The following DAB1 variants were observed in gnomAD, a reference collection of about 807,000 sequenced individuals.
DAB1 encodes the protein DAB adaptor protein 1, also known as disabled homolog 1.
In DAB1, 15 loss-of-function variants were observed where a neutral mutation model predicts 64.6. The observed-to-expected ratio is 0.23, with a 90% CI of 0.16 to 0.36. The LOEUF (loss-of-function observed/expected upper bound fraction) is 0.36, where lower values mean the gene tolerates loss of function less well. DAB1 is among the 10% of genes least tolerant of loss of function. DAB1 has a pLI of 1.00. For synonymous variants in DAB1, 235 were observed against 251.9 expected (o/e 0.93, Z 0.64); for missense variants, 596 against 706.7 (o/e 0.84, Z 1.78).
chr1:57,713,908 T>C (rs929877303), intron 6 of DAB1, among the ~76,000 whole-genome samples: 1 of 152,210 alleles, frequency 6.6e-6, no homozygotes, highest in Admixed American at 6.5e-5. Context: ...TGTTTCTTTG[T>C]TTGCTGAGCT....
At chr1:57,138,226 A>C (rs1658294030) in intron 3 of DAB1, among the ~76,000 whole-genome samples, 1 of 152,176 alleles carries the variant, frequency 6.6e-6, no homozygotes, top group South Asian at 2.1e-4. Flanking sequence ...GACATGCAGA[A>C]TGTATAGCAC....
chr1:58,499,473 A>T (rs954924542), intron 3 of DAB1, among the ~76,000 whole-genome samples: 2 of 66,368 alleles, frequency 3.0e-5, no homozygotes, highest in African/African-American at 1.2e-4. Flanking sequence ...GAACAAAGCC[A>T]GACTATAGAT....
Position 57,300,022 on chromosome 1 carries a change from G to A in DAB1, c.-136-8856C>T, listed in dbSNP as rs370783609. Among the ~76,000 whole-genome samples the A allele has an allele frequency of 2.4e-4, 37 of 152,052 alleles. No homozygotes were observed. In the South Asian group the frequency reaches 6.5e-3, roughly 27 times the overall value. ...TTTCTCTACCCTCTCATACAGCTGC[G>A]TGTCTGTCTCCCCGGCAGGCCTTAA... On this transcript the variant is annotated intron_variant, in intron 1 of 14. Coordinates refer to ENST00000371236, the MANE Select transcript of DAB1 (RefSeq NM_001365792.1).
intron 2 of DAB1, among the ~76,000 whole-genome samples, chr1:57,248,299 G>C (rs1669047280): frequency 6.6e-6 from 1 of 151,758 alleles, no homozygotes; most frequent in African/African-American, 2.4e-5. Context: ...GGTTGAACCT[G>C]AGAATGCCAA....
intron 4 of DAB1, among the ~76,000 whole-genome samples, chr1:58,197,158 C>T (rs137947111): frequency 2.6e-4 from 40 of 152,140 alleles, no homozygotes; most frequent in African/African-American, 7.2e-4. Flanking sequence ...GAGCAGAAAC[C>T]CCCTGCAAGC....
intron 6 of DAB1, among the ~76,000 whole-genome samples, chr1:57,811,016 C>T (rs1170339793): frequency 6.6e-6 from 1 of 152,216 alleles, no homozygotes; most frequent in Non-Finnish European, 1.5e-5. Flanking sequence ...CACATCGCTC[C>T]AATCTCTCTT....
At chr1:58,539,665 G>A (rs972721083) in intron 1 of DAB1, among the ~76,000 whole-genome samples, 3 of 152,178 alleles carry the variant, frequency 2.0e-5, no homozygotes, top group Non-Finnish European at 4.4e-5. Context: ...TAACTGGAAG[G>A]AAGCATGTGA....
chr1:58,503,060 G>A (rs1395577299), intron 3 of DAB1, among the ~76,000 whole-genome samples: 3 of 152,086 alleles, frequency 2.0e-5, no homozygotes, highest in African/African-American at 2.4e-5. Flanking sequence ...TTACCTCTCC[G>A]AAGATGCTCA....
At chr1:57,772,977 T>C (rs1400097953) in intron 6 of DAB1, among the ~76,000 whole-genome samples, 1 of 151,912 alleles carries the variant, frequency 6.6e-6, no homozygotes, top group Non-Finnish European at 1.5e-5. Flanking sequence ...GAGAATACCA[T>C]GTGTAAATGA....
rs1361831893 is a variant in DAB1 at position 57,300,697 on chromosome 1, A to G, written c.-136-9531T>C. ...ACGGATGCTGTAAACCCAGTGGTGT[A>G]CAACCCAAGGAGGCCCGAAGAAAAT... is the stretch of plus-strand genomic sequence containing the variant. On this transcript the variant is annotated intron_variant, in intron 1 of 14. Coordinates refer to ENST00000371236, the MANE Select transcript of DAB1 (RefSeq NM_001365792.1). Among the ~76,000 whole-genome samples, 6 of 152,326 alleles carry G rather than the reference A, an allele frequency of 3.9e-5. No homozygotes were observed. In the East Asian group the frequency reaches 1.2e-3, roughly 29 times the overall value.
In DAB1 at chr1:57,641,953, T is replaced by C. The variant is rs546149769; in HGVS notation, n.625+7639A>G. Among the ~76,000 whole-genome samples, 25 of 152,308 alleles carry C rather than the reference T, an allele frequency of 1.6e-4. No individual in the cohort carries two copies. In the South Asian group the frequency reaches 2.1e-3, roughly 13 times the overall value. ...ACATAGGTCTGGGTTAGAGTCCTAG[T>C]TCAGCAATTCACCAGTTGTGTGACT... On this transcript the variant is annotated intron_variant and non_coding_transcript_variant, in intron 7 of 20. Coordinates refer to the DAB1 transcript ENST00000485760.
intron 3 of DAB1, among the ~76,000 whole-genome samples, chr1:58,425,009 C>T (rs953799444): frequency 6.6e-6 from 1 of 152,120 alleles, no homozygotes; most frequent in Admixed American, 6.6e-5. Context: ...CATATGGCTC[C>T]GTAATGGACA....
At chr1:57,537,422 T>C (rs1467908904) in intron 7 of DAB1, among the ~76,000 whole-genome samples, 1 of 152,244 alleles carries the variant, frequency 6.6e-6, no homozygotes, top group Non-Finnish European at 1.5e-5. Context: ...AGTCCACATA[T>C]TACCTTGGGC....
intron 1 of DAB1, among the ~76,000 whole-genome samples, chr1:57,418,336 A>G (rs550755836): frequency 6.6e-6 from 1 of 152,374 alleles, no homozygotes; most frequent in Admixed American, 6.5e-5. Flanking sequence ...AAAGGCAGAT[A>G]GAAACGAGGA....
intron 6 of DAB1, among the ~76,000 whole-genome samples, chr1:57,712,918 T>C (rs181424964): frequency 5.0e-4 from 76 of 152,256 alleles, no homozygotes; most frequent in African/African-American, 1.8e-3. Context: ...GAAGATAGAG[T>C]GCCACTTGGT....
At chr1:57,107,528 G>T (rs761512027) in intron 4 of DAB1, among the ~76,000 whole-genome samples, 1 of 151,994 alleles carries the variant, frequency 6.6e-6, no homozygotes, top group Non-Finnish European at 1.5e-5. Context: ...GAGCCACAGG[G>T]ATACCCCCAC....
At chr1:57,920,127 T>C (rs1225856789) in intron 5 of DAB1, among the ~76,000 whole-genome samples, 1 of 152,184 alleles carries the variant, frequency 6.6e-6, no homozygotes, top group Non-Finnish European at 1.5e-5. Flanking sequence ...AGAGGTGAGC[T>C]AGCTTAAGTT....
intron 5 of DAB1, among the ~76,000 whole-genome samples, chr1:57,987,483 A>G (rs2100362879): frequency 6.6e-6 from 1 of 152,358 alleles, no homozygotes; most frequent in Middle Eastern, 3.4e-3. Flanking sequence ...AAGGTTACCA[A>G]GTAGCACAGC....
intron 6 of DAB1, among the ~76,000 whole-genome samples, chr1:57,688,725 C>G (rs1646729554): frequency 6.6e-6 from 1 of 152,156 alleles, no homozygotes. Context: ...CCATGAAATA[C>G]TATGCAGCCA....
Sources: gnomAD v4.1 joint callset for allele counts (sites outside exome capture counted in the v4.1 genomes callset) on GRCh38, gnomAD v4.1.1 for gene constraint, MANE v1.5 for transcripts, NCBI Gene and HGNC (gene_info 2026-07-23, HGNC 2026-07-21) for gene names.